The following CATSPERT variants were observed in gnomAD, a reference collection of about 807,000 sequenced individuals.
CATSPERT encodes the protein catsper channel auxiliary subunit tau, also known as cation channel sperm-associated targeting subunit tau.
chr2:201,565,924 C>CA, the CATSPERT span: 4 of 1,477,274 alleles, frequency 2.7e-6, no homozygotes, highest in Non-Finnish European at 3.7e-6. Context: ...AGTCCACTTC[C>CA]AAAATCAGTG....
the CATSPERT span, among the ~76,000 whole-genome samples, chr2:201,544,466 C>A: frequency 1.1e-4 from 16 of 152,198 alleles, no homozygotes; most frequent in Non-Finnish European, 2.1e-4. Context: ...AAATCTCTTA[C>A]TGATACTTTA....
chr2:201,507,921 GAACT>G, the CATSPERT span, among the ~76,000 whole-genome samples: 2 of 152,090 alleles, frequency 1.3e-5, no homozygotes, highest in Non-Finnish European at 2.9e-5. Flanking sequence ...GATCTTGTGA[GAACT>G]CACTCACTGT....
the CATSPERT span, among the ~76,000 whole-genome samples, chr2:201,540,297 C>T: frequency 6.6e-6 from 1 of 152,196 alleles, no homozygotes. Context: ...AGTGACTACA[C>T]TAAATAGGTT....
chr2:201,540,246 G>T, the CATSPERT span, among the ~76,000 whole-genome samples: 1 of 152,224 alleles, frequency 6.6e-6, no homozygotes, highest in Non-Finnish European at 1.5e-5. Context: ...TGTAGAAGCT[G>T]CAGCGAGTTA....
chr2:201,489,391 AGT>A, the CATSPERT span, among the ~76,000 whole-genome samples: 29 of 152,220 alleles, frequency 1.9e-4, no homozygotes, highest in South Asian at 5.8e-3. Context: ...CTTTTTTCCG[AGT>A]GTGTAGACAC....
chr2:201,492,874 A>C, the CATSPERT span: 4 of 1,536,540 alleles, frequency 2.6e-6, no homozygotes, highest in Non-Finnish European at 2.6e-6. Context: ...GTAATGCTGG[A>C]TTTGTTTACT....
chr2:201,566,460 G>GT, the CATSPERT span, among the ~76,000 whole-genome samples: 3 of 149,158 alleles, frequency 2.0e-5, no homozygotes, highest in African/African-American at 7.4e-5. Context: ...GCAGTGTTTG[G>GT]TTTTTTGTCC....
the CATSPERT span, chr2:201,535,742 T>A: frequency 7.4e-7 from 1 of 1,345,360 alleles, no homozygotes; most frequent in East Asian, 2.7e-5. Flanking sequence ...CTTGGAGACA[T>A]TTGAATGCAT....
the CATSPERT span, among the ~76,000 whole-genome samples, chr2:201,542,279 C>T: frequency 2.0e-5 from 3 of 152,124 alleles, no homozygotes; most frequent in African/African-American, 4.8e-5. Flanking sequence ...TCATCTATGA[C>T]ATTTAGGTTG....
the CATSPERT span, among the ~76,000 whole-genome samples, chr2:201,530,961 G>GTTTTTTTTTTTTTTTTT: frequency 1.9e-5 from 2 of 106,042 alleles, no homozygotes; most frequent in Non-Finnish European, 3.7e-5. Flanking sequence ...TTTTTTGTGG[G>GTTTTTTTTTTTTTTTTT]TTTTTTTTTT....
the CATSPERT span, among the ~76,000 whole-genome samples, chr2:201,589,159 C>A: frequency 3.3e-5 from 5 of 152,240 alleles, no homozygotes; most frequent in Admixed American, 3.3e-4. Flanking sequence ...GAATCAATAT[C>A]ATTAAAATGG....
chr2:201,541,531 T>TTATTTA, the CATSPERT span, among the ~76,000 whole-genome samples: 1 of 92,766 alleles, frequency 1.1e-5, no homozygotes, highest in African/African-American at 4.5e-5. Context: ...TCAGATGATT[T>TTATTTA]TATATATATA....
At chr2:201,591,067 G>A in the CATSPERT span, among the ~76,000 whole-genome samples, 3 of 152,190 alleles carry the variant, frequency 2.0e-5, no homozygotes, top group African/African-American at 7.2e-5. Context: ...CCATGCCTAT[G>A]TCCTGAATGG....
At chr2:201,569,487 T>C in the CATSPERT span, among the ~76,000 whole-genome samples, 2 of 152,224 alleles carry the variant, frequency 1.3e-5, no homozygotes, top group African/African-American at 4.8e-5. Context: ...CCTTTGGTAG[T>C]TGAGTATCTT....
At chr2:201,582,239 A>G in the CATSPERT span, 1 of 1,572,250 alleles carries the variant, frequency 6.4e-7, no homozygotes. Flanking sequence ...AATATATAAG[A>G]AAAGAAGCAT....
At chr2:201,488,931 G>T in the CATSPERT span, among the ~76,000 whole-genome samples, 2 of 152,168 alleles carry the variant, frequency 1.3e-5, no homozygotes, top group South Asian at 4.1e-4. Flanking sequence ...GATAATTTAT[G>T]CTATGTTAGT....
At chr2:201,524,342 T>A in the CATSPERT span, among the ~76,000 whole-genome samples, 1 of 151,886 alleles carries the variant, frequency 6.6e-6, no homozygotes, top group Non-Finnish European at 1.5e-5. Context: ...GAAAAGAAAT[T>A]CCAACCAGGA....
the CATSPERT span, among the ~76,000 whole-genome samples, chr2:201,611,174 C>T: frequency 6.6e-6 from 1 of 151,954 alleles, no homozygotes. Context: ...TCAAATTGTC[C>T]CTATTTGCTA....
the CATSPERT span, among the ~76,000 whole-genome samples, chr2:201,605,598 G>T: frequency 6.6e-6 from 1 of 152,028 alleles, no homozygotes; most frequent in Non-Finnish European, 1.5e-5. Context: ...CTTAAACTAT[G>T]GCAAAGAAAT....
Sources: allele counts gnomAD v4.1 joint callset (sites outside exome capture counted in the v4.1 genomes callset), GRCh38; gene constraint gnomAD v4.1.1; transcripts MANE v1.5; gene names NCBI Gene and HGNC (gene_info 2026-07-23, HGNC 2026-07-21).